OCA2: variants seen among roughly 807,000 people sequenced by gnomAD.
OCA2 encodes the protein P protein.
OCA2 carries 77 observed loss-of-function variants against 100.2 expected under a neutral mutation model. The ratio of observed to expected loss-of-function variants is 0.77; its 90% CI spans 0.64 to 0.93. The LOEUF (loss-of-function observed/expected upper bound fraction) is 0.93, where lower values mean the gene tolerates loss of function less well. Among genes scored for constraint, OCA2 ranks in the 40% least tolerant of loss-of-function variants. The pLI is 0.00. For synonymous variants in OCA2, 432 were observed against 439.2 expected (o/e 0.98, Z 0.21); for missense variants, 1,062 against 1,089.1 (o/e 0.98, Z 0.35).
intron 17 of OCA2, among the ~76,000 whole-genome samples, chr15:27,953,370 C>T (rs1363291221): frequency 6.6e-6 from 1 of 152,210 alleles, no homozygotes; most frequent in Non-Finnish European, 1.5e-5. Flanking sequence ...CCTCCCTGCC[C>T]ACCGTGAAGG....
At chr15:28,019,836 C>T (rs2042534406) in intron 6 of OCA2, among the ~76,000 whole-genome samples, 1 of 152,180 alleles carries the variant, frequency 6.6e-6, no homozygotes. Context: ...GGCTTCCCCT[C>T]CTCCCCAGGC....
rs978351937 is a variant in OCA2, at chr15:28,043,224, C to T, written c.228-11061G>A. Among the ~76,000 whole-genome samples the T allele has an allele frequency of 6.6e-6, 1 of 152,140 alleles. No homozygotes were observed. Among genetic ancestry groups the T allele is most frequent in the African/African-American group, 2.4e-5 (1 of 41,432 alleles). On this transcript the variant is annotated intron_variant, in intron 2 of 23. Coordinates refer to ENST00000354638, the MANE Select transcript of OCA2 (RefSeq NM_000275.3). This position sits in a 1 kb window ranked among gnomAD's most constrained non-coding sequence, Gnocchi z 4.4. ...AAGGTCTAATTTCAATTGTCCTTTC[C>T]CCTAAGGAAAGTAGTTTAAACAGCA...
intron 2 of OCA2, among the ~76,000 whole-genome samples, chr15:28,048,774 G>A (rs1012597445): frequency 6.6e-6 from 1 of 151,122 alleles, no homozygotes; most frequent in African/African-American, 2.5e-5. Flanking sequence ...GGGAGGCTAA[G>A]GTGGAAAGAT....
intron 2 of OCA2, among the ~76,000 whole-genome samples, chr15:28,055,102 T>C (rs72712674): frequency 0.092 from 14,033 of 152,256 alleles, 831 homozygotes; most frequent in African/African-American, 0.16. Flanking sequence ...TATCAGTTCC[T>C]CTCCAAATGC....
intron 17 of OCA2, among the ~76,000 whole-genome samples, chr15:27,954,885 G>A (rs560028049): frequency 6.6e-6 from 1 of 152,290 alleles, no homozygotes; most frequent in African/African-American, 2.4e-5. Flanking sequence ...TGGTGGTCAG[G>A]GACACCCGCT....
rs112173142 is a variant in OCA2, at chr15:27,793,703, A to C, written c.2433-38231T>G. ...CAGGACCCTGAAGTCTACAGGGTTA[A>C]GAACAGAGATAACAGGGTCTCTAGG... On this transcript the variant is annotated intron_variant, in intron 23 of 23. Coordinates refer to ENST00000354638, the MANE Select transcript of OCA2 (RefSeq NM_000275.3). Among the ~76,000 whole-genome samples the C allele has an allele frequency of 6.1e-3, 934 of 152,342 alleles. 17 individuals carry two copies. Among genetic ancestry groups the C allele is most frequent in the African/African-American group, 0.021 (871 of 41,576 alleles).
intron 2 of OCA2, among the ~76,000 whole-genome samples, chr15:28,046,319 G>T (rs2043346143): frequency 6.6e-6 from 1 of 151,658 alleles, no homozygotes; most frequent in African/African-American, 2.4e-5. Context: ...CACACGTGCA[G>T]TATGATGGGG....
At chr15:27,754,645 G>A (rs1045623598), downstream of OCA2, among the ~76,000 whole-genome samples, 65 of 152,194 alleles carry the variant, frequency 4.3e-4, no homozygotes, top group African/African-American at 1.6e-3. Flanking sequence ...GGGAGAGCAG[G>A]ACTGAGGGTA....
In OCA2 at chr15:28,065,684, G is replaced by T. The variant is rs149782978; in HGVS notation, c.227+15964C>A. On this transcript the variant is annotated intron_variant, in intron 2 of 23. Coordinates refer to ENST00000354638, the MANE Select transcript of OCA2 (RefSeq NM_000275.3). ...CCTCTGCAGTAAGTCATTGCTTTGG[G>T]GATTATTTTGTATCTAAAGATAAAT... Among the ~76,000 whole-genome samples the T allele has an allele frequency of 1.2e-3, 186 of 151,910 alleles. 1 individual carries two copies. Among genetic ancestry groups the T allele is most frequent in the African/African-American group, 4.1e-3 (168 of 41,398 alleles).
At chr15:27,739,040 C>T in the OCA2 span, among the ~76,000 whole-genome samples, 3 of 152,292 alleles carry the variant, frequency 2.0e-5, no homozygotes, top group East Asian at 1.9e-4. Context: ...GACTCAGTGG[C>T]GGAACCAGGG....
intron 15 of OCA2, 23 bp downstream of exon 15, chr15:27,966,667 C>T (rs2040577323): frequency 1.2e-6 from 2 of 1,613,326 alleles, no homozygotes; most frequent in African/African-American, 1.3e-5. Context: ...TCTGAGCCTA[C>T]ATGAGGTTGC....
At chr15:28,077,114 C>T (rs1477972119) in intron 2 of OCA2, among the ~76,000 whole-genome samples, 1 of 149,888 alleles carries the variant, frequency 6.7e-6, no homozygotes, top group African/African-American at 2.5e-5. Flanking sequence ...GGCTGCGGTG[C>T]AATGGTGAGA....
At chr15:27,770,008 T>C (rs2031592740) in intron 23 of OCA2, among the ~76,000 whole-genome samples, 1 of 152,130 alleles carries the variant, frequency 6.6e-6, no homozygotes, top group Non-Finnish European at 1.5e-5. Context: ...TAATAGTCCT[T>C]AGCTAACTCC....
chr15:27,805,237 T>G (rs2033784562), intron 23 of OCA2, among the ~76,000 whole-genome samples: 1 of 152,178 alleles, frequency 6.6e-6, no homozygotes, highest in Admixed American at 6.5e-5. Flanking sequence ...GGAGACTCCA[T>G]GTGATGCAAT....
rs372737086 is a variant in OCA2 at position 28,020,387 on chromosome 15, C to T, written c.647-1830G>A. 1.3e-3 allele frequency among the ~76,000 whole-genome samples: 205 copies of T among 152,226 alleles called. 3 individuals carry two copies. The South Asian group carries it at 0.017, about 13-fold the overall frequency. On this transcript the variant is annotated intron_variant, in intron 6 of 23. Coordinates refer to ENST00000354638, the MANE Select transcript of OCA2 (RefSeq NM_000275.3). ...GATCAAGTTTGGTGCCAGTGTTCCC[C>T]GAAATCTCCCCCTCCTGCCTGAGTC...
At chr15:27,774,643 C>T (rs2032084861) in intron 23 of OCA2, among the ~76,000 whole-genome samples, 1 of 152,186 alleles carries the variant, frequency 6.6e-6, no homozygotes, top group South Asian at 2.1e-4. Flanking sequence ...GAAGCCCTAG[C>T]CCCCAGGACC....
intron 1 of OCA2, among the ~76,000 whole-genome samples, chr15:28,093,149 A>G (rs2044899260): frequency 6.6e-6 from 1 of 152,226 alleles, no homozygotes; most frequent in South Asian, 2.1e-4. Flanking sequence ...AGGCTGAGAT[A>G]GAAAACAGGC....
the OCA2 span, among the ~76,000 whole-genome samples, chr15:27,739,862 C>G: frequency 3.3e-5 from 5 of 152,132 alleles, no homozygotes; most frequent in South Asian, 1.0e-3. Context: ...TCTTTTACCT[C>G]AACTACAGAA....
intron 23 of OCA2, among the ~76,000 whole-genome samples, chr15:27,801,557 A>AAG (rs1387260572): frequency 6.7e-6 from 1 of 150,334 alleles, no homozygotes; most frequent in African/African-American, 2.4e-5. Context: ...TCTCAAAAAA[A>AAG]AAAAAAAAAA....
Sources: gnomAD v4.1 joint callset for allele counts (sites outside exome capture counted in the v4.1 genomes callset) on GRCh38, gnomAD v4.1.1 for gene constraint, Gnocchi (gnomAD v3.1) non-coding constraint, MANE v1.5 for transcripts, NCBI Gene and HGNC (gene_info 2026-07-23, HGNC 2026-07-21) for gene names.